UPF2: variants seen among roughly 807,000 people sequenced by gnomAD.
UPF2 encodes regulator of nonsense transcripts 2.
UPF2 carries 17 observed loss-of-function variants against 141.4 expected under a neutral mutation model. That is an observed-to-expected ratio of 0.12 (90% CI 0.08 to 0.18). The LOEUF (loss-of-function observed/expected upper bound fraction) is 0.18, where lower values mean the gene tolerates loss of function less well. Among genes scored for constraint, UPF2 ranks in the 10% least tolerant of loss-of-function variants. The probability of loss-of-function intolerance (pLI) is 1.00; values close to 1 mark genes in which losing one functional copy is unlikely to be tolerated. For synonymous variants in UPF2, 540 were observed against 498.0 expected (o/e 1.08, Z -1.12); for missense variants, 1,152 against 1,515.9 (o/e 0.76, Z 3.99).
intron 2 of UPF2, among the ~76,000 whole-genome samples, chr10:12,031,576 C>T (rs1834524677): frequency 1.3e-5 from 2 of 152,094 alleles, no homozygotes; most frequent in South Asian, 2.1e-4. Context: ...GGAGTTAAGA[C>T]CAGACTGGGC....
Position 11,936,445 on chromosome 10 carries a change from A to T in UPF2, c.3546+100T>A. The T allele has an allele frequency of 7.9e-7, 1 of 1,273,078 alleles. No individual in the cohort carries two copies. The allele number at this position is 1,273,078 out of a possible 1,614,324, so 78.9% of individuals were successfully genotyped here. A position where few individuals can be genotyped will look rare whatever the true frequency, so the allele number is the denominator to read the frequency against. On this transcript the variant is annotated intron_variant, in intron 19 of 21. Transcript: ENST00000357604. The surrounding 1 kb of genome is among the most constrained non-coding windows in gnomAD (Gnocchi z 6.6). ...AAATTATTCTACCACTGAATGGTTT[A>T]AAACTGTCCAACCCTTATCCCCTTG...
At chr10:11,976,271 G>A (rs1204264632) in intron 9 of UPF2, among the ~76,000 whole-genome samples, 18 of 152,160 alleles carry the variant, frequency 1.2e-4, no homozygotes, top group Admixed American at 1.2e-3. Flanking sequence ...CTAGGTAGAA[G>A]ACAGAGACGG....
intron 8 of UPF2, among the ~76,000 whole-genome samples, chr10:11,994,458 C>T (rs1205096223): frequency 6.6e-6 from 1 of 152,128 alleles, no homozygotes; most frequent in Non-Finnish European, 1.5e-5. Context: ...CATCAAGATA[C>T]TGATTTCCTA....
intron 7 of UPF2, among the ~76,000 whole-genome samples, chr10:11,999,028 A>C (rs1395010573): frequency 1.3e-5 from 2 of 151,708 alleles, no homozygotes; most frequent in East Asian, 3.9e-4. Context: ...CCACTCAAAA[A>C]AAAAAAAAAA....
In UPF2 at chr10:12,035,145, T is replaced by C. The variant is rs758729316; in HGVS notation, c.279A>G (p.Glu93=). The C allele has an allele frequency of 1.2e-6, 2 of 1,602,290 alleles. No individual in the cohort carries two copies. The highest frequency in any genetic ancestry group is 2.2e-5 in the East Asian group (1 of 44,836). Residue 93 remains glutamate, a synonymous_variant, in exon 2 of 22, where the codon GAA becomes GAG. Coordinates refer to ENST00000357604, the MANE Select transcript of UPF2 (RefSeq NM_015542.4). ...EEESKKKEEE[E]KKKHQEEERK... ...TCTCTTCCTCTTGATGTTTCTTTTT[T>C]TCTTCCTCTTCTTTTTTCTTTGATT...
chr10:11,936,112 A>G lies in UPF2; in HGVS notation c.3546+433T>C, dbSNP rs1832846586. On this transcript the variant is annotated intron_variant, in intron 19 of 21. Coordinates refer to ENST00000357604, the MANE Select transcript of UPF2 (RefSeq NM_015542.4). The surrounding 1 kb of genome is among the most constrained non-coding windows in gnomAD (Gnocchi z 6.6). ...GGGCCAAGTGCAGTTGCTCACGCCT[A>G]TAATCCAAGCACTTTGGGAGGCCGA... is the stretch of plus-strand genomic sequence containing the variant. Among the ~76,000 whole-genome samples the G allele has an allele frequency of 2.6e-5, 4 of 152,144 alleles. No individual in the cohort carries two copies. In the South Asian group the frequency reaches 8.3e-4, roughly 32 times the overall value.
At chr10:11,938,859 T>TTG (rs1554774689) in intron 18 of UPF2, among the ~76,000 whole-genome samples, 64 of 70,826 alleles carry the variant, frequency 9.0e-4, no homozygotes, top group South Asian at 1.9e-3. Flanking sequence ...TTTTGTTTTT[T>TTG]TTTTTTTTTT....
At chr10:11,973,888 G>T (rs1307060169) in intron 9 of UPF2, among the ~76,000 whole-genome samples, 1 of 152,150 alleles carries the variant, frequency 6.6e-6, no homozygotes, top group Non-Finnish European at 1.5e-5. Context: ...GGTTCCCTAT[G>T]AACTTTCAAG....
At chr10:12,034,322 A>AT (rs200163094) in intron 2 of UPF2, among the ~76,000 whole-genome samples, 38 of 129,756 alleles carry the variant, frequency 2.9e-4, no homozygotes, top group African/African-American at 1.1e-3. Flanking sequence ...TTATTTTATT[A>AT]TTTTATTTTT....
At position 11,931,495 on chromosome 10, in the gene UPF2, A is replaced by G; in HGVS notation, c.3688+146T>C. ...AAATTATATTATTGTTATTTTACAA[A>G]TAAGTGAAAGAAAAACAGTGGGATA... On this transcript the variant is annotated intron_variant, in intron 20 of 21. Coordinates refer to ENST00000357604, the MANE Select transcript of UPF2 (RefSeq NM_015542.4). This position sits in a 1 kb window ranked among gnomAD's most constrained non-coding sequence, Gnocchi z 5.9. The G allele has an allele frequency of 1.1e-6, 1 of 904,172 alleles. No homozygotes were observed. The allele number at this position is 904,172 out of a possible 1,614,324, so 56.0% of individuals were successfully genotyped here.
rs755329291 is a variant in UPF2, at chr10:12,029,457, G to C, written c.433C>G (p.Arg145Gly). The change falls in exon 3 of 22, where the codon CGT becomes GGT. Residue 145 changes from arginine to glycine, a missense_variant. Physicochemically the swap from Arg to Gly is moderately radical, Grantham distance 125. Coordinates refer to ENST00000357604, the MANE Select transcript of UPF2 (RefSeq NM_015542.4). Reference protein sequence around the residue: ...WERHHLRKELRSKNQNAPDSR... With the variant: ...WERHHLRKELGSKNQNAPDSR... ...TCCGGAGCATTTTGGTTTTTGCTAC[G>C]AAGTTCCTTTCTTAAATGATGTCGT... is the stretch of plus-strand genomic sequence containing the variant. 1.9e-6 allele frequency: 3 copies of C among 1,612,746 alleles called. No homozygotes were observed. The highest frequency in any genetic ancestry group is 2.7e-5 in the African/African-American group (2 of 74,794).
chr10:11,958,187 T>C (rs1441327281), intron 12 of UPF2, among the ~76,000 whole-genome samples: 1 of 152,172 alleles, frequency 6.6e-6, no homozygotes, highest in Non-Finnish European at 1.5e-5. Flanking sequence ...ACCCCATCTC[T>C]ATTACATTAA....
In UPF2 at chr10:11,931,624, T is replaced by A. The variant is rs1488569609; in HGVS notation, c.3688+17A>T. 1 of 1,578,048 alleles carries A rather than the reference T, an allele frequency of 6.3e-7. No homozygotes were observed. The highest frequency in any genetic ancestry group is 8.6e-7 in the Non-Finnish European group (1 of 1,167,064). On this transcript the variant is annotated intron_variant, in intron 20 of 21. Coordinates refer to ENST00000357604, the MANE Select transcript of UPF2 (RefSeq NM_015542.4). This position sits in a 1 kb window ranked among gnomAD's most constrained non-coding sequence, Gnocchi z 5.9. ...AGGCAACAAAAATTTCCACTTCTCT[T>A]ATAGATGATTTTATACCTTGATAAT...
chr10:11,957,519 CTT>C (rs1256953386), intron 12 of UPF2, among the ~76,000 whole-genome samples: 1 of 151,812 alleles, frequency 6.6e-6, no homozygotes, highest in African/African-American at 2.4e-5. Context: ...CACTTTCTTT[CTT>C]TCTTTTTTTC....
intron 15 of UPF2, among the ~76,000 whole-genome samples, chr10:11,950,405 A>G (rs1833058447): frequency 6.6e-6 from 1 of 152,174 alleles, no homozygotes; most frequent in Non-Finnish European, 1.5e-5. Flanking sequence ...TTCTTCCTCA[A>G]CCAGGAAGCA....
chr10:11,944,062 C>A (rs1203874937), intron 16 of UPF2, among the ~76,000 whole-genome samples: 1 of 151,088 alleles, frequency 6.6e-6, no homozygotes, highest in Non-Finnish European at 1.5e-5. Context: ...CTCACTGTGC[C>A]ATGATGGCTG....
In UPF2 at chr10:11,948,389, C is replaced by G. The variant is rs1265107414; in HGVS notation, c.3154G>C (p.Val1052Leu). Residue 1052 changes from valine to leucine, a missense_variant, in exon 16 of 22, where the codon GTA (valine) becomes CTA (leucine). By Grantham distance (32) the Val-to-Leu change is conservative. This residue lies in a region of UPF2 where 202 missense variants were observed against 223.6 expected (regional missense o/e 0.90). Coordinates refer to ENST00000357604, the MANE Select transcript of UPF2 (RefSeq NM_015542.4). ...ATCACCTCTTCTTCTGGCTCATTTA[C>G]TTCACTTTCATTTCCAGATTGTTCT... The part of the protein sequence containing the change: ...TEEQSGNESE[V>L]NEPEEEEGSD... 3.1e-6 allele frequency: 5 copies of G among 1,596,016 alleles called. No homozygotes were observed. In the Admixed American group the frequency reaches 7.1e-5, roughly 23 times the overall value.
chr10:12,009,677 A>G (rs1834095155), intron 4 of UPF2, among the ~76,000 whole-genome samples: 1 of 152,240 alleles, frequency 6.6e-6, no homozygotes, highest in Non-Finnish European at 1.5e-5. Flanking sequence ...TGGCCAAGTA[A>G]GAGAGAAGCC....
intron 21 of UPF2, among the ~76,000 whole-genome samples, chr10:11,926,008 T>C (rs1478642415): frequency 1.3e-5 from 2 of 151,930 alleles, no homozygotes; most frequent in African/African-American, 2.4e-5. Flanking sequence ...TTGGAAAGGG[T>C]TGAAGGTTGA....
Sources: gnomAD v4.1 joint callset for allele counts (sites outside exome capture counted in the v4.1 genomes callset) on GRCh38, gnomAD v4.1.1 for gene constraint, gnomAD v4.1.1 regional missense constraint, Gnocchi (gnomAD v3.1) non-coding constraint, MANE v1.5 for transcripts, NCBI Gene and HGNC (gene_info 2026-07-23, HGNC 2026-07-21) for gene names.